The following KSR2 variants were observed in gnomAD, a reference collection of about 807,000 sequenced individuals.
KSR2 encodes kinase suppressor of ras 2.
A neutral mutation model predicts 107.8 loss-of-function variants in KSR2; 25 were observed. The ratio of observed to expected loss-of-function variants is 0.23; its 90% CI spans 0.17 to 0.32. KSR2 has a LOEUF of 0.32. KSR2 is among the 10% of genes least tolerant of loss of function. The pLI is 1.00. For synonymous variants in KSR2, 480 were observed against 507.0 expected (o/e 0.95, Z 0.71); for missense variants, 887 against 1,268.9 (o/e 0.70, Z 4.57).
intron 4 of KSR2, among the ~76,000 whole-genome samples, chr12:117,744,523 C>T (rs1193245335): frequency 6.6e-6 from 1 of 152,126 alleles, no homozygotes; most frequent in Admixed American, 6.5e-5. Flanking sequence ...TGGTTCCAAC[C>T]TAGAACTTTG....
chr12:117,508,566 G>C (rs932760915), intron 14 of KSR2, among the ~76,000 whole-genome samples: 3 of 152,110 alleles, frequency 2.0e-5, no homozygotes, highest in African/African-American at 4.8e-5. Context: ...GTGGATAGCT[G>C]GGTGTTGAAC....
intron 4 of KSR2, among the ~76,000 whole-genome samples, chr12:117,668,906 T>C (rs774704032): frequency 2.6e-5 from 4 of 152,086 alleles, no homozygotes; most frequent in Non-Finnish European, 5.9e-5. Context: ...ACGAGTCACA[T>C]AGAGCAGGAA....
At chr12:117,852,706 C>T (rs758937008) in intron 3 of KSR2, among the ~76,000 whole-genome samples, 8 of 152,190 alleles carry the variant, frequency 5.3e-5, no homozygotes, top group Admixed American at 1.3e-4. Context: ...TAACCTCAAA[C>T]GCTCACTGTC....
intron 4 of KSR2, among the ~76,000 whole-genome samples, chr12:117,734,064 T>G (rs1391378297): frequency 1.3e-5 from 2 of 152,092 alleles, no homozygotes; most frequent in Non-Finnish European, 2.9e-5. Context: ...GCAGATCACT[T>G]GAGGTTAAGA....
chr12:117,791,767 C>G (rs1403088945), intron 3 of KSR2, among the ~76,000 whole-genome samples: 2 of 152,152 alleles, frequency 1.3e-5, no homozygotes, highest in Non-Finnish European at 2.9e-5. Flanking sequence ...CATCAGCGAT[C>G]AAAAACTCCA....
At chr12:117,637,369 T>C (rs1030296592) in intron 5 of KSR2, among the ~76,000 whole-genome samples, 35 of 151,304 alleles carry the variant, frequency 2.3e-4, no homozygotes, top group African/African-American at 8.5e-4. Context: ...GCTACCAGCC[T>C]GTAATGGTAG....
intron 4 of KSR2, among the ~76,000 whole-genome samples, chr12:117,703,465 G>C (rs538639658): frequency 1.3e-5 from 2 of 152,120 alleles, no homozygotes; most frequent in East Asian, 3.9e-4. Context: ...CTAGATGTTG[G>C]GATCCACTAA....
chr12:117,604,915 C>T lies in KSR2; in HGVS notation c.1172-22556G>A, dbSNP rs572666056. On this transcript the variant is annotated intron_variant, in intron 5 of 19. Coordinates refer to ENST00000339824, the MANE Select transcript of KSR2 (RefSeq NM_173598.6). ...TCCAGGGCCACTGCATTTTCTCATT[C>T]TTTTTCCAAGAGAAGCCAGAAATTC... Among the ~76,000 whole-genome samples, 11 of 152,218 alleles carry T rather than the reference C, an allele frequency of 7.2e-5. No individual in the cohort carries two copies. The South Asian group carries it at 1.9e-3, about 26-fold the overall frequency.
chr12:117,959,702 A>C (rs1345238060), intron 1 of KSR2, among the ~76,000 whole-genome samples: 1 of 152,180 alleles, frequency 6.6e-6, no homozygotes, highest in Non-Finnish European at 1.5e-5. Context: ...AGGCCAAGGC[A>C]TGAGCATCAC....
chr12:117,721,022 T>C (rs1035251559), intron 4 of KSR2, among the ~76,000 whole-genome samples: 1 of 152,156 alleles, frequency 6.6e-6, no homozygotes, highest in Non-Finnish European at 1.5e-5. Context: ...CTGTAATTTG[T>C]AAGGGGAGGG....
chr12:117,947,149 C>G (rs569206435), intron 1 of KSR2, among the ~76,000 whole-genome samples: 1 of 144,526 alleles, frequency 6.9e-6, no homozygotes, highest in African/African-American at 2.6e-5. Flanking sequence ...GCCTGGGTGA[C>G]AGAGCTACAC....
intron 4 of KSR2, among the ~76,000 whole-genome samples, chr12:117,702,045 G>A (rs2136620629): frequency 6.6e-6 from 1 of 152,290 alleles, no homozygotes; most frequent in South Asian, 2.1e-4. Context: ...TTTCTCCTCA[G>A]CCGCACCATC....
intron 12 of KSR2, among the ~76,000 whole-genome samples, chr12:117,528,034 TAGTA>T (rs1875337305): frequency 6.6e-6 from 1 of 151,072 alleles, no homozygotes; most frequent in African/African-American, 2.4e-5. Context: ...GTTCTGTTCT[TAGTA>T]AGCAAACATG....
intron 1 of KSR2, among the ~76,000 whole-genome samples, chr12:117,933,128 T>C (rs1895740257): frequency 1.3e-5 from 2 of 152,172 alleles, no homozygotes; most frequent in African/African-American, 4.8e-5. Context: ...TGTCAGGGGT[T>C]AGTAATGAGT....
intron 5 of KSR2, among the ~76,000 whole-genome samples, chr12:117,614,191 A>G (rs1279053477): frequency 2.0e-5 from 3 of 152,230 alleles, no homozygotes; most frequent in Non-Finnish European, 4.4e-5. Flanking sequence ...TATTATTTAA[A>G]TAAATAGAAC....
intron 1 of KSR2, among the ~76,000 whole-genome samples, chr12:117,910,575 C>G (rs1894981154): frequency 6.6e-6 from 1 of 152,172 alleles, no homozygotes; most frequent in South Asian, 2.1e-4. Flanking sequence ...TATTTTACCA[C>G]AATTAAACTT....
At chr12:117,589,822 C>T (rs116861805) in intron 5 of KSR2, among the ~76,000 whole-genome samples, 36 of 152,286 alleles carry the variant, frequency 2.4e-4, no homozygotes, top group Middle Eastern at 6.8e-3. Flanking sequence ...TGCTTCAGGG[C>T]CAAGTGCTTC....
At chr12:117,788,699 G>A (rs572296108) in intron 3 of KSR2, among the ~76,000 whole-genome samples, 1 of 152,270 alleles carries the variant, frequency 6.6e-6, no homozygotes, top group East Asian at 1.9e-4. Context: ...TTTTAGTTGA[G>A]ACAGTGTTTC....
chr12:117,930,487 T>C (rs1381857458), intron 1 of KSR2, among the ~76,000 whole-genome samples: 3 of 152,168 alleles, frequency 2.0e-5, no homozygotes, highest in Non-Finnish European at 2.9e-5. Flanking sequence ...ATGTGGCACT[T>C]CTAATTAGCT....
Sources: allele counts gnomAD v4.1 joint callset (sites outside exome capture counted in the v4.1 genomes callset), GRCh38; gene constraint gnomAD v4.1.1; transcripts MANE v1.5; gene names NCBI Gene and HGNC (gene_info 2026-07-23, HGNC 2026-07-21).